The following CSMD1 variants were observed in gnomAD, a reference collection of about 807,000 sequenced individuals.
The protein encoded by CSMD1 is CUB and Sushi multiple domains 1, also known as CUB and sushi domain-containing protein 1.
In CSMD1, 213 loss-of-function variants were observed where a neutral mutation model predicts 417.5. The ratio of observed to expected loss-of-function variants is 0.51; its 90% CI spans 0.46 to 0.57. The LOEUF (loss-of-function observed/expected upper bound fraction) is 0.57, where lower values mean the gene tolerates loss of function less well. Ranked by LOEUF, CSMD1 falls within the 20% of genes least tolerant of loss-of-function variation. The pLI is 0.00. For synonymous variants in CSMD1, 2,862 were observed against 1,736.8 expected (o/e 1.65, Z -16.11); for missense variants, 6,923 against 4,529.7 (o/e 1.53, Z -15.17).
At position 4,170,301 on chromosome 8, in the gene CSMD1, G is replaced by A. The variant is rs376203364; in HGVS notation, c.416-138202C>T. On this transcript the variant is annotated intron_variant, in intron 3 of 69. Transcript: ENST00000635120. Reference sequence around the variant, plus strand: ...AGAGTCTATGAATTTAAGCATTTGCGTCTCAATGATATAAAAAGTAACAAA... The same window carrying A: ...AGAGTCTATGAATTTAAGCATTTGCATCTCAATGATATAAAAAGTAACAAA... 1.8e-4 allele frequency among the ~76,000 whole-genome samples: 27 copies of A among 151,888 alleles called. 1 individual carries two copies. Among genetic ancestry groups the A allele is most frequent in the East Asian group, 5.8e-4 (3 of 5,176 alleles).
intron 7 of CSMD1, among the ~76,000 whole-genome samples, chr8:3,678,720 C>G (rs191432818): frequency 1.3e-5 from 2 of 152,160 alleles, no homozygotes; most frequent in East Asian, 3.9e-4. Context: ...AGAGCAACTC[C>G]AAGACACATA....
chr8:3,279,230 C>T (rs7822509), intron 26 of CSMD1: 13,946 of 152,104 alleles, frequency 0.092, 1,195 homozygotes, highest in African/African-American at 0.23. Context: ...AATGAGAGCA[C>T]GAGGGAATAT....
At chr8:3,370,973 A>G (rs1309667874) in intron 18 of CSMD1, among the ~76,000 whole-genome samples, 3 of 149,028 alleles carry the variant, frequency 2.0e-5, no homozygotes, top group Non-Finnish European at 4.5e-5. Context: ...GTCAAACTCC[A>G]TCAAAAAAAA....
At chr8:3,405,640 T>C (rs1812300272) in intron 15 of CSMD1, among the ~76,000 whole-genome samples, 1 of 152,078 alleles carries the variant, frequency 6.6e-6, no homozygotes, top group South Asian at 2.1e-4. Context: ...AATATGATTG[T>C]GTCCTTTTAA....
intron 7 of CSMD1, among the ~76,000 whole-genome samples, chr8:3,684,966 G>A (rs1387190134): frequency 1.3e-5 from 2 of 152,154 alleles, no homozygotes; most frequent in Non-Finnish European, 2.9e-5. Flanking sequence ...GGAATAACCT[G>A]TGGTAGGAAA....
chr8:4,408,311 T>G (rs1156933196), intron 3 of CSMD1, among the ~76,000 whole-genome samples: 1 of 152,132 alleles, frequency 6.6e-6, no homozygotes, highest in Non-Finnish European at 1.5e-5. Flanking sequence ...AAAAACGTCT[T>G]CAAGTAAGCT....
chr8:3,445,535 T>A (rs951144854), intron 12 of CSMD1, among the ~76,000 whole-genome samples: 3 of 151,140 alleles, frequency 2.0e-5, no homozygotes, highest in Non-Finnish European at 4.4e-5. Context: ...TCATTACACA[T>A]TTTTTTTTAA....
intron 6 of CSMD1, among the ~76,000 whole-genome samples, chr8:3,714,841 G>C (rs186664237): frequency 2.9e-4 from 44 of 152,134 alleles, no homozygotes; most frequent in African/African-American, 9.4e-4. Flanking sequence ...AACTGTTCTT[G>C]AATTATCTCA....
chr8:3,445,537 T>C (rs953785041), intron 12 of CSMD1, among the ~76,000 whole-genome samples: 16 of 152,310 alleles, frequency 1.1e-4, no homozygotes, highest in Admixed American at 1.0e-3. Flanking sequence ...ATTACACATT[T>C]TTTTTTAATA....
intron 12 of CSMD1, among the ~76,000 whole-genome samples, chr8:3,466,897 A>T (rs1205053738): frequency 1.3e-5 from 2 of 152,126 alleles, no homozygotes; most frequent in Non-Finnish European, 2.9e-5. Flanking sequence ...CTACTGTTAT[A>T]ATCTCTTAAT....
chr8:3,469,747 C>A (rs572621488), intron 11 of CSMD1, among the ~76,000 whole-genome samples: 1 of 152,182 alleles, frequency 6.6e-6, no homozygotes, highest in African/African-American at 2.4e-5. Context: ...TCACCTTAGG[C>A]AGTACAGAGC....
At chr8:4,031,140 G>C (rs548454580) in intron 4 of CSMD1, among the ~76,000 whole-genome samples, 1 of 152,242 alleles carries the variant, frequency 6.6e-6, no homozygotes, top group East Asian at 1.9e-4. Flanking sequence ...TCTAAACTCT[G>C]CCTGTTATCC....
intron 5 of CSMD1, among the ~76,000 whole-genome samples, chr8:3,944,512 G>A (rs766336104): frequency 6.6e-6 from 1 of 151,928 alleles, no homozygotes; most frequent in African/African-American, 2.4e-5. Context: ...TTTAGATTAG[G>A]CAGAGTTTGA....
In CSMD1 at chr8:3,570,900, T is replaced by C. The variant is rs142350003; in HGVS notation, c.1344+4045A>G. On this transcript the variant is annotated intron_variant, in intron 10 of 69. Transcript: ENST00000635120. ...ACAATAGGAACTCTAAGCTTCTTTT[T>C]AGATAGAATTTCAATTATTCTAGTA... Among the ~76,000 whole-genome samples, 385 of 152,328 alleles carry C rather than the reference T, an allele frequency of 2.5e-3. 4 individuals carry two copies. Among genetic ancestry groups the C allele is most frequent in the African/African-American group, 8.9e-3 (371 of 41,566 alleles).
intron 3 of CSMD1, among the ~76,000 whole-genome samples, chr8:4,084,034 A>G (rs918989046): frequency 6.6e-6 from 1 of 152,122 alleles, no homozygotes; most frequent in Non-Finnish European, 1.5e-5. Context: ...GTGGGCAAAA[A>G]AACCCTTTTA....
rs1797840756 is a variant in CSMD1 at position 3,528,385 on chromosome 8, A to G, written c.1345-34659T>C. 2.6e-5 allele frequency among the ~76,000 whole-genome samples: 4 copies of G among 152,184 alleles called. No homozygotes were observed. In the South Asian group the frequency reaches 8.3e-4, roughly 31 times the overall value. Reference sequence around the variant, plus strand: ...CAAGAGAATACAAATATCTAAGAGCACTTGTCTTAGCACTCGTGGGGGAAG... The same window carrying G: ...CAAGAGAATACAAATATCTAAGAGCGCTTGTCTTAGCACTCGTGGGGGAAG... On this transcript the variant is annotated intron_variant, in intron 10 of 69. Coordinates refer to ENST00000635120, the MANE Select transcript of CSMD1 (RefSeq NM_033225.6).
At chr8:4,448,405 C>T (rs1798942785) in intron 2 of CSMD1, among the ~76,000 whole-genome samples, 1 of 152,166 alleles carries the variant, frequency 6.6e-6, no homozygotes, top group South Asian at 2.1e-4. Context: ...CTTTCAGTAA[C>T]CCTGTGTGCC....
In CSMD1 at chr8:4,320,932, C is replaced by G. The variant is rs368632947; in HGVS notation, c.415+99021G>C. On this transcript the variant is annotated intron_variant, in intron 3 of 69. Coordinates refer to ENST00000635120, the MANE Select transcript of CSMD1 (RefSeq NM_033225.6). ...AGTATCTTCTTCTTTGTATCCTCTC[C>G]TCCCAGTGTGAGGTCCTAGCCACTC... is the stretch of plus-strand genomic sequence containing the variant. 1.1e-4 allele frequency among the ~76,000 whole-genome samples: 17 copies of G among 152,226 alleles called. No individual in the cohort carries two copies. The East Asian group carries it at 3.3e-3, about 29-fold the overall frequency.
intron 1 of CSMD1, among the ~76,000 whole-genome samples, chr8:4,971,239 A>G (rs1480867295): frequency 1.3e-5 from 2 of 152,082 alleles, no homozygotes; most frequent in Non-Finnish European, 2.9e-5. Context: ...AAGTTGATAA[A>G]GTGGTTAAAA....
Sources: gnomAD v4.1 joint callset for allele counts (sites outside exome capture counted in the v4.1 genomes callset) on GRCh38, gnomAD v4.1.1 for gene constraint, MANE v1.5 for transcripts, NCBI Gene and HGNC (gene_info 2026-07-23, HGNC 2026-07-21) for gene names.